NEMF: variants seen among roughly 807,000 people sequenced by gnomAD.
NEMF encodes ribosome quality control complex subunit NEMF.
NEMF carries 89 observed loss-of-function variants against 162.2 expected under a neutral mutation model. The ratio of observed to expected loss-of-function variants is 0.55; its 90% CI spans 0.46 to 0.65. The LOEUF is 0.65. NEMF is among the 30% of genes least tolerant of loss of function. The pLI is 0.00. For synonymous variants in NEMF, 421 were observed against 404.5 expected (o/e 1.04, Z -0.49); for missense variants, 1,133 against 1,261.9 (o/e 0.90, Z 1.55).
At chr14:49,841,552 C>A (rs1594802252) in intron 4 of NEMF, among the ~76,000 whole-genome samples, 1 of 111,036 alleles carries the variant, frequency 9.0e-6, no homozygotes. Context: ...CCAGCCTGGG[C>A]AACAAGAGCG....
At chr14:49,824,873 C>T (rs1270577077) in intron 16 of NEMF, among the ~76,000 whole-genome samples, 1 of 152,066 alleles carries the variant, frequency 6.6e-6, no homozygotes, top group Non-Finnish European at 1.5e-5. Context: ...GTTTCCAAAA[C>T]AGAGAAGGAT....
intron 25 of NEMF, among the ~76,000 whole-genome samples, chr14:49,799,114 C>T (rs1890827349): frequency 7.2e-6 from 1 of 139,344 alleles, no homozygotes; most frequent in African/African-American, 2.7e-5. Flanking sequence ...GAGGCTGAAG[C>T]AGGAGACTGC....
intron 17 of NEMF, among the ~76,000 whole-genome samples, chr14:49,814,317 G>A (rs186137684): frequency 6.6e-6 from 1 of 152,030 alleles, no homozygotes; most frequent in Non-Finnish European, 1.5e-5. Context: ...TGGCCAGGCT[G>A]TTCTTGAACT....
intron 26 of NEMF, among the ~76,000 whole-genome samples, chr14:49,795,259 G>A (rs1286015972): frequency 6.6e-6 from 1 of 150,986 alleles, no homozygotes; most frequent in Non-Finnish European, 1.5e-5. Context: ...GATCACTTGA[G>A]CCTAGGAGTT....
At chr14:49,848,838 A>G (rs1054731204) in intron 3 of NEMF, among the ~76,000 whole-genome samples, 1 of 150,108 alleles carries the variant, frequency 6.7e-6, no homozygotes, top group African/African-American at 2.4e-5. Flanking sequence ...CGTCTCAAAA[A>G]AAAAAAAAAA....
Position 49,851,378 on chromosome 14 carries a change from G to A in NEMF, c.231+185C>T, listed in dbSNP as rs753882276. ...CAGAAGATCTGGAGCAGAACAGGAT[G>A]TGAAAGGTAATGGGGAGAAATCAAT... On this transcript the variant is annotated intron_variant, in intron 3 of 32. Transcript: ENST00000298310. Among the ~76,000 whole-genome samples the A allele has an allele frequency of 2.6e-4, 39 of 152,210 alleles. 1 individual carries two copies. Among genetic ancestry groups the A allele is most frequent in the Admixed American group, 2.2e-3 (33 of 15,272 alleles).
intron 5 of NEMF, among the ~76,000 whole-genome samples, chr14:49,840,364 C>A (rs544365984): frequency 1.3e-5 from 2 of 151,448 alleles, no homozygotes; most frequent in African/African-American, 4.9e-5. Flanking sequence ...CGGGAGGCTG[C>A]GGCAGGAGAA....
intron 22 of NEMF, 76 bp downstream of exon 22, chr14:49,802,377 G>T: frequency 6.9e-7 from 1 of 1,457,706 alleles, no homozygotes; most frequent in South Asian, 1.2e-5. Flanking sequence ...AAAGAGACAT[G>T]ATCTTCTAAG....
At chr14:49,784,749 T>C (rs777873103) in intron 32 of NEMF, 36 bp from the exon 33 acceptor site, 5 of 1,545,702 alleles carry the variant, frequency 3.2e-6, no homozygotes, top group Non-Finnish European at 3.6e-6. Context: ...CTTCACATCC[T>C]GTATGGTCAA....
At chr14:49,817,935 G>C (rs1159970730) in intron 16 of NEMF, among the ~76,000 whole-genome samples, 1 of 152,110 alleles carries the variant, frequency 6.6e-6, no homozygotes, top group East Asian at 1.9e-4. Context: ...ATATGACCTT[G>C]ATACCAATAC....
intron 7 of NEMF, 107 bp downstream of exon 7, chr14:49,834,256 A>T: frequency 1.4e-6 from 1 of 717,196 alleles, no homozygotes; most frequent in Non-Finnish European, 2.4e-6. Flanking sequence ...GTGCCTGGTC[A>T]AATGTTTTTC....
At chr14:49,807,592 A>ATTT (rs371689750) in intron 18 of NEMF, among the ~76,000 whole-genome samples, 13 of 125,356 alleles carry the variant, frequency 1.0e-4, no homozygotes, top group East Asian at 2.2e-4. Context: ...GTATCTTGTG[A>ATTT]TTTTTTTTTT....
rs553173619 is a variant in NEMF, at chr14:49,851,166, T to C, written c.231+397A>G. On this transcript the variant is annotated intron_variant, in intron 3 of 32. Coordinates refer to ENST00000298310, the MANE Select transcript of NEMF (RefSeq NM_004713.6). ...TTGCAGTGAGCCAAGACTGTGCCAC[T>C]GCACTCCAGCCTGGGTGACAGAGCG... Among the ~76,000 whole-genome samples, 509 of 152,322 alleles carry C rather than the reference T, an allele frequency of 3.3e-3. 3 individuals carry two copies. The highest frequency in any genetic ancestry group is 0.012 in the African/African-American group (490 of 41,572).
chr14:49,793,914 T>A (rs1890568589), intron 26 of NEMF, among the ~76,000 whole-genome samples: 1 of 152,166 alleles, frequency 6.6e-6, no homozygotes, highest in Admixed American at 6.5e-5. Context: ...CACTTTTTTT[T>A]TTTTCCAGAT....
At position 49,811,228 on chromosome 14, in the gene NEMF, T is replaced by C. The variant is rs73283700; in HGVS notation, c.1744+2760A>G. Among the ~76,000 whole-genome samples, 984 of 152,326 alleles carry C rather than the reference T, an allele frequency of 6.5e-3. 16 individuals are homozygous for C. The highest frequency in any genetic ancestry group is 0.022 in the African/African-American group (918 of 41,574). ...TTAATGCTAATTATAAATTGAATTG[T>C]TTTATTAATTTCCTTTTCAGATTGT... On this transcript the variant is annotated intron_variant, in intron 18 of 32. Transcript: ENST00000298310.
At chr14:49,796,286 G>T (rs749762901) in intron 25 of NEMF, 3 of 469,474 alleles carry the variant, frequency 6.4e-6, no homozygotes, top group Non-Finnish European at 1.3e-5. Context: ...AGCATTGGCA[G>T]GTCTTAGGCA....
chr14:49,786,464 T>C, intron 29 of NEMF: 1 of 492,506 alleles, frequency 2.0e-6, no homozygotes, highest in Non-Finnish European at 3.6e-6. Context: ...TTACATACAT[T>C]AGTTATCAAA....
intron 8 of NEMF, among the ~76,000 whole-genome samples, 164 bp from the exon 9 acceptor site, chr14:49,832,441 C>T (rs1892693585): frequency 6.6e-6 from 1 of 151,918 alleles, no homozygotes; most frequent in Non-Finnish European, 1.5e-5. Flanking sequence ...AAGCAATTCT[C>T]ATGCCTCAGC....
chr14:49,831,238 C>T (rs540974406), intron 11 of NEMF, 61 bp downstream of exon 11: 1 of 891,098 alleles, frequency 1.1e-6, no homozygotes, highest in Admixed American at 1.9e-5. Context: ...TTTCCTATAT[C>T]ATCTACCCAT....
Sources: allele counts gnomAD v4.1 joint callset (sites outside exome capture counted in the v4.1 genomes callset), GRCh38; gene constraint gnomAD v4.1.1; transcripts MANE v1.5; gene names NCBI Gene and HGNC (gene_info 2026-07-23, HGNC 2026-07-21).